The following DHX35 variants were observed in gnomAD, a reference collection of about 807,000 sequenced individuals.
DHX35 encodes the protein DEAH-box helicase 35.
Under a neutral mutation model 99.6 loss-of-function variants are expected in DHX35, and 84 were observed. The observed-to-expected ratio is 0.84, with a 90% CI of 0.71 to 1.01. DHX35 has a LOEUF of 1.01. Ranked by LOEUF, DHX35 falls within the 50% of genes least tolerant of loss-of-function variation. DHX35 has a pLI of 0.00. For synonymous variants in DHX35, 331 were observed against 316.2 expected (o/e 1.05, Z -0.50); for missense variants, 852 against 888.5 (o/e 0.96, Z 0.52).
intron 8 of DHX35, among the ~76,000 whole-genome samples, chr20:38,998,572 C>T (rs2086467204): frequency 6.6e-6 from 1 of 152,184 alleles, no homozygotes; most frequent in Admixed American, 6.5e-5. Context: ...TGCTTCTTAC[C>T]ATGTCTGTAT....
chr20:38,962,501 A>G (rs546284855), intron 1 of DHX35, 94 bp downstream of exon 1: 13 of 1,476,244 alleles, frequency 8.8e-6, no homozygotes, highest in Non-Finnish European at 1.2e-5. Context: ...ACCTGCTCGC[A>G]GGCCTGACCT....
chr20:39,010,351 C>T lies in DHX35; in HGVS notation c.1294C>T (p.Leu432=). 4 of 1,614,154 alleles carry T rather than the reference C, an allele frequency of 2.5e-6. No individual in the cohort carries two copies. The highest frequency in any genetic ancestry group is 3.4e-6 in the Non-Finnish European group (4 of 1,180,034). ...GCGTAGTAATTTGGCACCTGTCATC[C>T]TGCAGCTGAAAGCACTAGGAATTGA... ...MQRSNLAPVI[L]QLKALGIDNV... The change falls in exon 13 of 22, where the codon CTG becomes TTG. Residue 432 remains leucine (L), a synonymous_variant. Transcript: ENST00000252011.
At chr20:39,010,453 A>G (rs377005536) in intron 13 of DHX35, 49 bp downstream of exon 13, 3 of 1,606,590 alleles carry the variant, frequency 1.9e-6, no homozygotes, top group African/African-American at 2.7e-5. Flanking sequence ...GGGAGCTCAC[A>G]GGGGGATGTC....
chr20:38,969,242 T>C (rs1189108297), intron 2 of DHX35, 28 bp downstream of exon 2: 2 of 1,590,278 alleles, frequency 1.3e-6, no homozygotes, highest in Non-Finnish European at 1.7e-6. Context: ...GTTCAACCTG[T>C]GGGCTTGAAT....
chr20:38,968,004 A>G (rs752643435), intron 1 of DHX35, among the ~76,000 whole-genome samples: 3 of 151,754 alleles, frequency 2.0e-5, no homozygotes, highest in Non-Finnish European at 4.4e-5. Context: ...TCTCCATAGC[A>G]CTTATGACCA....
At chr20:39,010,854 G>C (rs1012251197) in intron 13 of DHX35, among the ~76,000 whole-genome samples, 2 of 152,130 alleles carry the variant, frequency 1.3e-5, no homozygotes, top group African/African-American at 4.8e-5. Flanking sequence ...CCTTGTGCCT[G>C]ATTGCTTCCT....
chr20:39,003,944 G>A (rs773744252), intron 11 of DHX35, 37 bp downstream of exon 11: 16 of 1,605,096 alleles, frequency 1.0e-5, no homozygotes, highest in South Asian at 5.5e-5. Flanking sequence ...GTTGGCAGCC[G>A]TCTATAATCA....
Position 38,971,994 on chromosome 20 carries a change from G to GTTTTTT in DHX35, c.175-561_175-560insTTTTTT, listed in dbSNP as rs1568714388. On this transcript the variant is annotated intron_variant, in intron 2 of 21. Transcript: ENST00000252011. ...ATGTCTATAATTTCTTGTTTTTTTT[G>GTTTTTT]TTTTGTTTTGTTTTTTTTTTTTTTT... Among the ~76,000 whole-genome samples, 26 of 112,050 alleles carry GTTTTTT rather than the reference G, an allele frequency of 2.3e-4. 1 individual carries two copies. Among genetic ancestry groups the GTTTTTT allele is most frequent in the Non-Finnish European group, 3.4e-4 (18 of 52,796 alleles). The allele number at this position is 112,050 out of a possible 152,430, so 73.5% of individuals were successfully genotyped here. A position where few individuals can be genotyped will look rare whatever the true frequency, so the allele number is the denominator to read the frequency against.
At position 39,025,372 on chromosome 20, in the gene DHX35, C is replaced by A; in HGVS notation, c.1801+13C>A. 6.2e-7 allele frequency: 1 copy of A among 1,611,272 alleles called. No homozygotes were observed. The highest frequency in any genetic ancestry group is 1.1e-5 in the South Asian group (1 of 90,490). On this transcript the variant is annotated intron_variant, in intron 18 of 21. Coordinates refer to ENST00000252011, the MANE Select transcript of DHX35 (RefSeq NM_021931.4). The stretch of plus-strand genomic sequence containing the variant: ...AAGTCTAGTGAAGGTGAGAAGAAAC[C>A]GTCCCAGCTGGTGACCTCCCTTGCT...
At chr20:39,034,133 A>G in intron 20 of DHX35, 73 bp from the exon 21 acceptor site, 1 of 1,097,996 alleles carries the variant, frequency 9.1e-7, no homozygotes, top group South Asian at 1.3e-5. Flanking sequence ...TAAAGGAAAC[A>G]GCATGTCTAC....
At chr20:39,031,870 A>G (rs2087059983) in intron 20 of DHX35, among the ~76,000 whole-genome samples, 1 of 152,226 alleles carries the variant, frequency 6.6e-6, no homozygotes, top group African/African-American at 2.4e-5. Flanking sequence ...GCCATGGAAC[A>G]TAAAGGAACC....
intron 8 of DHX35, among the ~76,000 whole-genome samples, chr20:38,996,002 C>T (rs2086423251): frequency 6.6e-6 from 1 of 152,202 alleles, no homozygotes; most frequent in South Asian, 2.1e-4. Context: ...CCCTACATTT[C>T]AGCCTCACTG....
rs1172694501 is a variant in DHX35, at chr20:38,972,011, T to G, written c.175-548T>G. On this transcript the variant is annotated intron_variant, in intron 2 of 21. Transcript: ENST00000252011. ...TTTTTTTTGTTTTGTTTTGTTTTTT[T>G]TTTTTTTTTTTTTTTGAGACAGAGT... 7.2e-3 allele frequency among the ~76,000 whole-genome samples: 998 copies of G among 139,016 alleles called. 8 individuals are homozygous for G. Among genetic ancestry groups the G allele is most frequent in the African/African-American group, 0.025 (920 of 36,408 alleles). 91.2% of individuals were successfully genotyped at this position (139,016 alleles called of 152,430 possible).
intron 12 of DHX35, among the ~76,000 whole-genome samples, chr20:39,006,818 A>G (rs889007219): frequency 1.2e-4 from 18 of 152,246 alleles, no homozygotes; most frequent in African/African-American, 3.9e-4. Flanking sequence ...ACTCATTCAT[A>G]GAAAACAAAT....
intron 3 of DHX35, among the ~76,000 whole-genome samples, chr20:38,974,133 C>G (rs1190431114): frequency 6.6e-6 from 1 of 152,096 alleles, no homozygotes; most frequent in African/African-American, 2.4e-5. Context: ...GTGGTTGTGT[C>G]CTTGTAGGGT....
rs183605846 is a variant in DHX35 at position 39,025,582 on chromosome 20, G to T, written c.1801+223G>T. Among the ~76,000 whole-genome samples, 15 of 152,266 alleles carry T rather than the reference G, an allele frequency of 9.9e-5. 1 individual carries two copies. The highest frequency in any genetic ancestry group is 3.6e-4 in the African/African-American group (15 of 41,546). On this transcript the variant is annotated intron_variant, in intron 18 of 21. Transcript: ENST00000252011. The stretch of plus-strand genomic sequence containing the variant: ...TTTCTGATGGGCATTCTTACTAAAG[G>T]AATTTCATAGCCCATGACAATACTT...
Position 39,018,915 on chromosome 20 carries a change from T to C in DHX35, c.1498+16T>C. The stretch of plus-strand genomic sequence containing the variant: ...CTTGAATCAGGTGGGTAGAGCCTGA[T>C]AGCTTGAATTGATTTTATTTTGACT... On this transcript the variant is annotated intron_variant, in intron 15 of 21. Transcript: ENST00000252011. 1 of 1,612,920 alleles carries C rather than the reference T, an allele frequency of 6.2e-7. No individual in the cohort carries two copies. The highest frequency in any genetic ancestry group is 8.5e-7 in the Non-Finnish European group (1 of 1,179,104).
At chr20:39,021,296 G>T (rs895544653) in intron 15 of DHX35, among the ~76,000 whole-genome samples, 2 of 152,196 alleles carry the variant, frequency 1.3e-5, no homozygotes, top group African/African-American at 2.4e-5. Context: ...AGGAGGGTAG[G>T]GAGCAGGTGC....
intron 17 of DHX35, 66 bp from the exon 18 acceptor site, chr20:39,025,164 T>C (rs2086934676): frequency 6.6e-7 from 1 of 1,521,600 alleles, no homozygotes; most frequent in Non-Finnish European, 8.9e-7. Context: ...AGAATGATCT[T>C]TACAACATAG....
Sources: gnomAD v4.1 joint callset for allele counts (sites outside exome capture counted in the v4.1 genomes callset) on GRCh38, gnomAD v4.1.1 for gene constraint, MANE v1.5 for transcripts, NCBI Gene and HGNC (gene_info 2026-07-23, HGNC 2026-07-21) for gene names.